Variants in PDLIM2 observed in about 807,000 individuals in gnomAD.
PDLIM2 encodes the protein PDZ and LIM domain protein 2.
Under a neutral mutation model 54.1 loss-of-function variants are expected in PDLIM2, and 51 were observed. That is an observed-to-expected ratio of 0.94 (90% CI 0.75 to 1.19). PDLIM2 has a LOEUF of 1.19. Ranked by LOEUF, PDLIM2 falls within the 50% of genes most tolerant of loss-of-function variation. The pLI, the probability that PDLIM2 is intolerant of heterozygous loss-of-function variation, is 0.00. For missense variants in PDLIM2, 912 were observed against 874.0 expected, an observed-to-expected ratio of 1.04 and a Z score of -0.55; for synonymous variants, 398 against 385.6, an observed-to-expected ratio of 1.03 and a Z score of -0.38.
chr8:22,593,666 C>T (rs927957564), intron 9 of PDLIM2, 67 bp from the exon 9 acceptor site: 10 of 1,446,286 alleles, frequency 6.9e-6, no homozygotes, highest in Non-Finnish European at 9.3e-6. Flanking sequence ...GGGACCAGGC[C>T]CCCTGGGCAT....
chr8:22,580,700 A>T lies in PDLIM2; in HGVS notation c.843+3A>T. The T allele has an allele frequency of 6.2e-7, 1 of 1,613,766 alleles. No individual in the cohort carries two copies. Among genetic ancestry groups the T allele is most frequent in the Non-Finnish European group, 8.5e-7 (1 of 1,179,834 alleles). ...ACACGCCCATCATGGTGACTAAGGT[A>T]AGGATGGTGGCTCAAAGAGATGAGA... On this transcript the variant is annotated splice_donor_region_variant and intron_variant, in intron 2 of 9. Coordinates refer to ENST00000308354, the Ensembl canonical transcript of PDLIM2.
At chr8:22,589,397 C>A (rs566888072) in intron 7 of PDLIM2, 23 bp downstream of exon 6, 2 of 1,535,754 alleles carry the variant, frequency 1.3e-6, no homozygotes, top group East Asian at 2.4e-5. Context: ...CCCGGAGGGT[C>A]GGGTTGGGGT....
chr8:22,581,230 G>T, intron 2 of PDLIM2, 149 bp from the exon 2 acceptor site: 2 of 1,009,874 alleles, frequency 2.0e-6, no homozygotes, highest in Non-Finnish European at 2.9e-6. Flanking sequence ...TGGCTGATCA[G>T]CTGGGTGTCA....
intron 5 of PDLIM2, 42 bp from the exon 5 acceptor site, chr8:22,585,279 T>G: frequency 6.2e-7 from 1 of 1,607,296 alleles, no homozygotes; most frequent in Non-Finnish European, 8.5e-7. Flanking sequence ...CTGGGCAGGC[T>G]GGGGGTGGCC....
intron 4 of PDLIM2, 50 bp from the exon 4 acceptor site, chr8:22,584,967 G>A: frequency 6.2e-7 from 1 of 1,613,430 alleles, no homozygotes; most frequent in Non-Finnish European, 8.5e-7. Flanking sequence ...GGGCAGGGCG[G>A]CCTTGGCGGG....
At chr8:22,579,088 A>T in exon 1 of PDLIM2, 1 of 1,259,752 alleles carries the variant, frequency 7.9e-7, no homozygotes. Flanking sequence ...CCGGGATCAC[A>T]TGGGCGGAGG....
intron 3 of PDLIM2, among the ~76,000 whole-genome samples, chr8:22,583,329 G>A (rs942036203): frequency 1.3e-5 from 2 of 152,084 alleles, no homozygotes; most frequent in Admixed American, 6.5e-5. Context: ...CAGGAGTGAC[G>A]CGCTCAAAGG....
chr8:22,585,503 G>A lies in PDLIM2; in HGVS notation c.1290+104G>A, dbSNP rs367581023. On this transcript the variant is annotated intron_variant, in intron 6 of 9. Coordinates refer to ENST00000308354, the Ensembl canonical transcript of PDLIM2. ...GCAGGCGGCCAGGCCCACCTGGGCA[G>A]CCATGGCCTCCTTCTCCTGGCCACA... is the stretch of plus-strand genomic sequence containing the variant. 2.3e-4 allele frequency: 260 copies of A among 1,145,744 alleles called. 1 individual carries two copies. In the East Asian group the frequency reaches 6.7e-3, roughly 30 times the overall value. The allele number at this position is 1,145,744 out of a possible 1,614,324, so 71.0% of individuals were successfully genotyped here.
chr8:22,589,755 G>C lies in PDLIM2; in HGVS notation c.1513+14G>C, dbSNP rs780944239. The C allele has an allele frequency of 6.4e-7, 1 of 1,558,054 alleles. No individual in the cohort carries two copies. Among genetic ancestry groups the C allele is most frequent in the Non-Finnish European group, 8.7e-7 (1 of 1,150,682 alleles). ...CTGAGGAGAGAGGTGAGGGTCTGGG[G>C]GGCTGGGGAGGGGAAGGAGGTTCCC... On this transcript the variant is annotated intron_variant, in intron 8 of 9. Transcript: ENST00000308354.
Position 22,585,157 on chromosome 8 carries a change from C to G in PDLIM2, c.1206C>G (p.Ser402Arg), listed in dbSNP as rs767865846. ...CCCTCACTGGAGAGGCAGCCATCAG[C>G]CGCAGGTGAGTGTGCCTGTGAGTGG... Residue 402 changes from serine to arginine, a missense_variant, in exon 5 of 10, where the codon AGC becomes AGG. Ser to Arg is a moderately radical substitution (Grantham distance 110). Coordinates refer to ENST00000308354, the Ensembl canonical transcript of PDLIM2. The G allele has an allele frequency of 1.3e-5, 21 of 1,613,088 alleles. No homozygotes were observed. The African/African-American group carries it at 1.6e-4, about 12-fold the overall frequency.
exon 5 of PDLIM2, chr8:22,585,046 G>A (rs745751110): frequency 2.5e-6 from 4 of 1,613,996 alleles, no homozygotes; most frequent in Non-Finnish European, 3.4e-6. Flanking sequence ...CTGAGAGTCA[G>A]TCCTCCTTAA....
chr8:22,589,373 A>G (rs1304347201), exon 7 of PDLIM2: 4 of 1,535,054 alleles, frequency 2.6e-6, no homozygotes, highest in African/African-American at 1.4e-5. Context: ...CTCCAGGCCC[A>G]GGTACCAGCA....
intron 1 of PDLIM2, chr8:22,580,600 C>G: frequency 6.2e-7 from 1 of 1,614,046 alleles, no homozygotes. Flanking sequence ...CTCTCTTCCT[C>G]AGGTATGGCG....
chr8:22,580,484 G>T, intron 1 of PDLIM2: 2 of 1,565,178 alleles, frequency 1.3e-6, no homozygotes, highest in Non-Finnish European at 1.7e-6. Context: ...CCCCTGAGTA[G>T]CTGCTCCGGG....
At chr8:22,585,443 C>A in intron 6 of PDLIM2, 44 bp downstream of exon 5, 1 of 1,548,660 alleles carries the variant, frequency 6.5e-7, no homozygotes, top group East Asian at 2.4e-5. Context: ...ACAGAAGCAC[C>A]TCCCGTTCCT....
In PDLIM2 at chr8:22,585,355, G is replaced by A. The variant is rs774488635; in HGVS notation, c.1246G>A (p.Ala416Thr). Residue 416 changes from alanine to threonine, a missense_variant, in exon 6 of 10, where the codon GCT becomes ACT. Coordinates refer to ENST00000308354, the Ensembl canonical transcript of PDLIM2. ...TCTGGCATGTTCCCCGGGCCTCCCC[G>A]CTGCTGACCGCCTGTCCTACTCAGG... 49 of 1,612,448 alleles carry A rather than the reference G, an allele frequency of 3.0e-5. No individual in the cohort carries two copies. In the Admixed American group the frequency reaches 5.0e-4, roughly 16 times the overall value.
At chr8:22,583,716 G>A (rs1188684160) in intron 3 of PDLIM2, among the ~76,000 whole-genome samples, 3 of 151,870 alleles carry the variant, frequency 2.0e-5, no homozygotes, top group Non-Finnish European at 2.9e-5. Context: ...GCAGTGAGCC[G>A]AGATTGCACC....
At chr8:22,579,480 C>T in exon 1 of PDLIM2, 1 of 1,512,858 alleles carries the variant, frequency 6.6e-7, no homozygotes, top group Non-Finnish European at 8.8e-7. Context: ...TCGGGCTGGG[C>T]ACCTCCCCGC....
Position 22,580,466 on chromosome 8 carries a change from C to G in PDLIM2, c.749-137C>G. Reference sequence around the variant, plus strand: ...GGGAGTTAGCCACTTCCTCTACCCACCCCAAAGCCCCTGAGTAGCTGCTCC... The same window carrying G: ...GGGAGTTAGCCACTTCCTCTACCCAGCCCAAAGCCCCTGAGTAGCTGCTCC... On this transcript the variant is annotated intron_variant, in intron 1 of 9. Transcript: ENST00000308354. 1 of 1,530,898 alleles carries G rather than the reference C, an allele frequency of 6.5e-7. No individual in the cohort carries two copies. The highest frequency in any genetic ancestry group is 8.8e-7 in the Non-Finnish European group (1 of 1,140,002). 94.8% of individuals were successfully genotyped at this position (1,530,898 alleles called of 1,614,324 possible).
Sources: allele counts gnomAD v4.1 joint callset (sites outside exome capture counted in the v4.1 genomes callset), GRCh38; gene constraint gnomAD v4.1.1; transcripts MANE v1.5; gene names NCBI Gene and HGNC (gene_info 2026-07-23, HGNC 2026-07-21).